The following RCAN2 variants were observed in gnomAD, a reference collection of about 807,000 sequenced individuals.
RCAN2 encodes the protein calcipressin-2.
In RCAN2, 9 loss-of-function variants were observed where a neutral mutation model predicts 23.6. That is an observed-to-expected ratio of 0.38 (90% CI 0.23 to 0.67). The LOEUF is 0.67. Among genes scored for constraint, RCAN2 ranks in the 30% least tolerant of loss-of-function variants. The pLI is 0.51. For synonymous variants in RCAN2, 109 were observed against 115.7 expected, an observed-to-expected ratio of 0.94 and a Z score of 0.37; for missense variants, 273 against 302.3, an observed-to-expected ratio of 0.90 and a Z score of 0.72.
At chr6:46,232,758 A>G (rs989900332) in intron 4 of RCAN2, among the ~76,000 whole-genome samples, 10 of 134,218 alleles carry the variant, frequency 7.5e-5, no homozygotes, top group African/African-American at 2.8e-4. Context: ...ATGCCACTGC[A>G]CTCCAGCCTG....
intron 2 of RCAN2, among the ~76,000 whole-genome samples, chr6:46,263,155 C>T (rs977393410): frequency 5.9e-5 from 9 of 152,252 alleles, no homozygotes; most frequent in African/African-American, 2.2e-4. Flanking sequence ...ATGAAATGAA[C>T]CAGACAATGT....
intron 1 of RCAN2, among the ~76,000 whole-genome samples, chr6:46,465,575 CT>C (rs1768353825): frequency 6.6e-6 from 1 of 152,178 alleles, no homozygotes; most frequent in Non-Finnish European, 1.5e-5. Flanking sequence ...AGATGGCCCC[CT>C]GACACATCTT....
intron 2 of RCAN2, among the ~76,000 whole-genome samples, chr6:46,276,683 C>T (rs538972731): frequency 3.3e-5 from 5 of 152,288 alleles, no homozygotes; most frequent in African/African-American, 1.2e-4. Flanking sequence ...CCCATAAGCT[C>T]GTACATAAGG....
chr6:46,420,503 C>T lies in RCAN2; in HGVS notation c.225+36249G>A, dbSNP rs1766853953. Among the ~76,000 whole-genome samples the T allele has an allele frequency of 2.0e-5, 3 of 151,210 alleles. No homozygotes were observed. The South Asian group carries it at 6.3e-4, about 32-fold the overall frequency. On this transcript the variant is annotated intron_variant, in intron 2 of 4. Transcript: ENST00000371374. ...CACTGGAAATATTGGCAAAACTGTC[C>T]TGTTATTTTTTATAATGTCATTTCA...
At chr6:46,392,601 A>G (rs1765968059) in intron 2 of RCAN2, among the ~76,000 whole-genome samples, 1 of 152,210 alleles carries the variant, frequency 6.6e-6, no homozygotes, top group Non-Finnish European at 1.5e-5. Flanking sequence ...TGGGGGAAGG[A>G]TGGAACTGTA....
chr6:46,484,189 A>G (rs1371595696), intron 1 of RCAN2, among the ~76,000 whole-genome samples: 1 of 152,242 alleles, frequency 6.6e-6, no homozygotes, highest in Non-Finnish European at 1.5e-5. Flanking sequence ...TTACCTCAAT[A>G]AATTGGTCAA....
At chr6:46,307,477 G>A (rs1763108699) in intron 2 of RCAN2, among the ~76,000 whole-genome samples, 1 of 151,972 alleles carries the variant, frequency 6.6e-6, no homozygotes, top group Non-Finnish European at 1.5e-5. Context: ...GGTGGTGGCT[G>A]AAAAAAATGA....
At chr6:46,434,297 C>A (rs1767302953) in intron 2 of RCAN2, among the ~76,000 whole-genome samples, 2 of 152,164 alleles carry the variant, frequency 1.3e-5, no homozygotes, top group Admixed American at 1.3e-4. Flanking sequence ...TGGTCTGAAT[C>A]CCACAATTTC....
intron 4 of RCAN2, among the ~76,000 whole-genome samples, chr6:46,245,884 T>A (rs889303233): frequency 2.0e-5 from 3 of 152,200 alleles, no homozygotes; most frequent in African/African-American, 7.2e-5. Flanking sequence ...TTCACAGTGC[T>A]AAAAATCTCA....
intron 2 of RCAN2, among the ~76,000 whole-genome samples, chr6:46,275,510 T>A (rs1012743737): frequency 1.3e-5 from 2 of 152,120 alleles, no homozygotes; most frequent in Non-Finnish European, 1.5e-5. Context: ...TCTAAGCCAC[T>A]CAGATGGCAC....
intron 1 of RCAN2, among the ~76,000 whole-genome samples, chr6:46,469,687 C>G (rs1768499663): frequency 6.6e-6 from 1 of 152,140 alleles, no homozygotes; most frequent in Non-Finnish European, 1.5e-5. Context: ...TCCAAAAGAG[C>G]TGGTGGAATG....
At chr6:46,464,735 A>G (rs1768323397) in intron 1 of RCAN2, among the ~76,000 whole-genome samples, 1 of 152,216 alleles carries the variant, frequency 6.6e-6, no homozygotes, top group Admixed American at 6.5e-5. Flanking sequence ...TCTTGAAAGT[A>G]TCAGGAACAT....
chr6:46,295,757 T>C (rs77866530), intron 2 of RCAN2, among the ~76,000 whole-genome samples: 1,850 of 152,108 alleles, frequency 0.012, 38 homozygotes, highest in African/African-American at 0.039. Context: ...CAAGCAAGTT[T>C]GCAAATTGAG....
chr6:46,301,852 G>A (rs1029599094), intron 2 of RCAN2, among the ~76,000 whole-genome samples: 1 of 152,064 alleles, frequency 6.6e-6, no homozygotes, highest in Non-Finnish European at 1.5e-5. Flanking sequence ...ATAGAGGGGA[G>A]TTTGGACAAA....
intron 2 of RCAN2, among the ~76,000 whole-genome samples, chr6:46,346,977 G>A (rs1764503674): frequency 1.3e-5 from 2 of 152,130 alleles, no homozygotes; most frequent in Non-Finnish European, 2.9e-5. Flanking sequence ...CCAGGTTCAT[G>A]CCATTCTCCT....
intron 4 of RCAN2, among the ~76,000 whole-genome samples, chr6:46,244,806 T>C (rs537956098): frequency 1.7e-4 from 26 of 152,366 alleles, no homozygotes; most frequent in African/African-American, 6.3e-4. Context: ...TTAGTGATTC[T>C]ATAAAGAGCT....
chr6:46,384,538 T>A (rs1276335989), intron 2 of RCAN2, among the ~76,000 whole-genome samples: 2 of 152,246 alleles, frequency 1.3e-5, no homozygotes, highest in Admixed American at 1.3e-4. Context: ...TTGTTAATTT[T>A]TATTGCTATT....
At chr6:46,462,638 C>T (rs569336291) in intron 1 of RCAN2, among the ~76,000 whole-genome samples, 1 of 152,252 alleles carries the variant, frequency 6.6e-6, no homozygotes, top group East Asian at 1.9e-4. Flanking sequence ...TTTCTTTTCC[C>T]CCAATAAATC....
chr6:46,421,431 T>C (rs1025751241), intron 2 of RCAN2, among the ~76,000 whole-genome samples: 2 of 152,194 alleles, frequency 1.3e-5, no homozygotes, highest in African/African-American at 2.4e-5. Context: ...GAGAATAATG[T>C]AATAGGAAAC....
Sources: gnomAD v4.1 joint callset for allele counts (sites outside exome capture counted in the v4.1 genomes callset) on GRCh38, gnomAD v4.1.1 for gene constraint, MANE v1.5 for transcripts, NCBI Gene and HGNC (gene_info 2026-07-23, HGNC 2026-07-21) for gene names.